Variants in MYO5B observed in about 807,000 individuals in gnomAD.
The protein encoded by MYO5B is myosin VB, also known as unconventional myosin-Vb.
A neutral mutation model predicts 229.3 loss-of-function variants in MYO5B; 143 were observed. That is an observed-to-expected ratio of 0.62 (90% CI 0.54 to 0.72). The LOEUF is 0.72. Among genes scored for constraint, MYO5B ranks in the 30% least tolerant of loss-of-function variants. MYO5B has a pLI of 0.00. For missense variants in MYO5B, 2,321 were observed against 2,331.0 expected, an observed-to-expected ratio of 1.00 and a Z score of 0.09; for synonymous variants, 918 against 885.2, an observed-to-expected ratio of 1.04 and a Z score of -0.66.
intron 1 of MYO5B, among the ~76,000 whole-genome samples, chr18:50,092,530 T>G (rs1234744810): frequency 6.6e-6 from 1 of 152,172 alleles, no homozygotes; most frequent in Non-Finnish European, 1.5e-5. Context: ...GTTTTTTGTT[T>G]TTTTTTAAAC....
intron 1 of MYO5B, among the ~76,000 whole-genome samples, chr18:50,149,983 C>T (rs1447462229): frequency 6.8e-6 from 1 of 147,498 alleles, no homozygotes; most frequent in African/African-American, 2.5e-5. Flanking sequence ...AACAAATTTA[C>T]AAGAAAAAAA....
intron 31 of MYO5B, among the ~76,000 whole-genome samples, chr18:49,852,066 G>T (rs916990166): frequency 3.9e-5 from 6 of 152,188 alleles, no homozygotes; most frequent in Non-Finnish European, 7.3e-5. Flanking sequence ...CCCAGCAGAG[G>T]GGCCCACTGC....
chr18:49,919,798 C>A (rs1266828611), intron 17 of MYO5B, among the ~76,000 whole-genome samples: 1 of 152,182 alleles, frequency 6.6e-6, no homozygotes, highest in African/African-American at 2.4e-5. Context: ...TACCATATGA[C>A]ACAACAATTC....
At chr18:49,894,757 T>C (rs1202562999) in intron 22 of MYO5B, among the ~76,000 whole-genome samples, 184 bp downstream of exon 22, 1 of 152,256 alleles carries the variant, frequency 6.6e-6, no homozygotes, top group African/African-American at 2.4e-5. Flanking sequence ...AGCGCAGTCA[T>C]GCTTGTGTGG....
intron 1 of MYO5B, among the ~76,000 whole-genome samples, chr18:50,148,099 T>C (rs1036315803): frequency 2.7e-5 from 4 of 150,114 alleles, no homozygotes; most frequent in African/African-American, 9.9e-5. Context: ...ATGGATACAT[T>C]CCTCGACACA....
intron 17 of MYO5B, among the ~76,000 whole-genome samples, chr18:49,926,525 C>A (rs114903483): frequency 6.6e-6 from 1 of 152,142 alleles, no homozygotes; most frequent in Admixed American, 6.5e-5. Context: ...CAATTAATGG[C>A]AGATGTTTGG....
At chr18:49,953,981 A>T (rs1297114599) in intron 13 of MYO5B, among the ~76,000 whole-genome samples, 1 of 144,358 alleles carries the variant, frequency 6.9e-6, no homozygotes, top group Non-Finnish European at 1.5e-5. Flanking sequence ...GTGTGTGTAT[A>T]GACTATATAT....
chr18:49,900,857 G>T (rs957202472), intron 21 of MYO5B, among the ~76,000 whole-genome samples: 1 of 152,136 alleles, frequency 6.6e-6, no homozygotes, highest in Non-Finnish European at 1.5e-5. Context: ...GCAGCAGTAG[G>T]CATGCACGGG....
chr18:49,940,480 G>T (rs1374738635), intron 14 of MYO5B, among the ~76,000 whole-genome samples: 1 of 152,116 alleles, frequency 6.6e-6, no homozygotes, highest in African/African-American at 2.4e-5. Context: ...TATGATGGGG[G>T]TTATAAAACA....
chr18:49,985,099 C>T (rs140206145), intron 7 of MYO5B, among the ~76,000 whole-genome samples: 7 of 152,286 alleles, frequency 4.6e-5, no homozygotes, highest in East Asian at 1.9e-4. Context: ...AAGGCATATA[C>T]GTCACAGACA....
At chr18:50,019,479 A>T (rs2026251970) in intron 4 of MYO5B, among the ~76,000 whole-genome samples, 1 of 152,230 alleles carries the variant, frequency 6.6e-6, no homozygotes, top group Non-Finnish European at 1.5e-5. Context: ...TCTTTAATTC[A>T]GTGGTCCAGC....
At chr18:49,897,524 C>T (rs1056107038) in intron 21 of MYO5B, among the ~76,000 whole-genome samples, 2 of 151,900 alleles carry the variant, frequency 1.3e-5, no homozygotes, top group East Asian at 1.9e-4. Flanking sequence ...GATAGATATG[C>T]AATGTGAAAT....
intron 18 of MYO5B, among the ~76,000 whole-genome samples, chr18:49,909,682 C>T (rs2024937117): frequency 6.6e-6 from 1 of 152,116 alleles, no homozygotes; most frequent in African/African-American, 2.4e-5. Flanking sequence ...GGGATGAACA[C>T]AATAAAGGAA....
intron 1 of MYO5B, among the ~76,000 whole-genome samples, chr18:50,189,181 T>A (rs1374110549): frequency 6.6e-6 from 1 of 152,178 alleles, no homozygotes; most frequent in Non-Finnish European, 1.5e-5. Flanking sequence ...TAAGCCACCA[T>A]GAGTTATGGT....
intron 16 of MYO5B, among the ~76,000 whole-genome samples, chr18:49,933,331 T>C (rs1372671894): frequency 6.6e-6 from 1 of 152,232 alleles, no homozygotes; most frequent in African/African-American, 2.4e-5. Context: ...GTCAGCACTT[T>C]CACAGAGCCA....
In MYO5B at chr18:49,962,929, G is replaced by C; in HGVS notation, c.1404+20C>G. ...AGTCCCCCCAATCCTGGTACCCCCA[G>C]GTCTAGAAACCAAGCCTACCGAGTT... On this transcript the variant is annotated intron_variant, in intron 11 of 39. Coordinates refer to ENST00000285039, the MANE Select transcript of MYO5B (RefSeq NM_001080467.3). The C allele has an allele frequency of 4.4e-6, 7 of 1,606,898 alleles. No homozygotes were observed. Among genetic ancestry groups the C allele is most frequent in the Non-Finnish European group, 6.0e-6 (7 of 1,173,448 alleles).
At chr18:49,841,487 G>GT in intron 34 of MYO5B, 33 bp from the exon 35 acceptor site, 1 of 1,583,340 alleles carries the variant, frequency 6.3e-7, no homozygotes. Flanking sequence ...TCAGCTCTAA[G>GT]TGGCTCCCAT....
intron 10 of MYO5B, among the ~76,000 whole-genome samples, chr18:49,966,929 ATTATAT>A (rs2025632520): frequency 6.6e-6 from 1 of 152,254 alleles, no homozygotes; most frequent in Admixed American, 6.5e-5. Context: ...TTACAATGGA[ATTATAT>A]TTATAGTAAT....
rs778573108 is a variant in MYO5B at position 49,962,376 on chromosome 18, T to A, written c.1435A>T (p.Met479Leu). 13 of 1,614,172 alleles carry A rather than the reference T, an allele frequency of 8.1e-6. No individual in the cohort carries two copies. The East Asian group carries it at 2.9e-4, about 36-fold the overall frequency. Residue 479 changes from methionine (M) to leucine (L), a missense_variant, in exon 12 of 40, where the codon ATG (methionine) becomes TTG (leucine). Physicochemically the swap from Met to Leu is conservative, Grantham distance 15. Transcript: ENST00000285039. ...AGGGTCCAAGGGATCTGTTCCTTCA[T>A]GTATTCTTCTTGCTCCAGTTTGAAA... ...HVFKLEQEEYMKEQIPWTLID... is the reference protein window; with the variant it reads ...HVFKLEQEEYLKEQIPWTLID...
Sources: allele counts gnomAD v4.1 joint callset (sites outside exome capture counted in the v4.1 genomes callset), GRCh38; gene constraint gnomAD v4.1.1; transcripts MANE v1.5; gene names NCBI Gene and HGNC (gene_info 2026-07-23, HGNC 2026-07-21).